MYPN: variants seen among roughly 807,000 people sequenced by gnomAD.
MYPN encodes myopalladin, also known as sarcomeric protein myopalladin, 145 kDa (MYOP).
A neutral mutation model predicts 129.4 loss-of-function variants in MYPN; 63 were observed. The ratio of observed to expected loss-of-function variants is 0.49; its 90% CI spans 0.40 to 0.60. MYPN has a LOEUF of 0.60. Among genes scored for constraint, MYPN ranks in the 20% least tolerant of loss-of-function variants. The pLI is 0.00. For missense variants in MYPN, 1,596 were observed against 1,635.4 expected (o/e 0.98, Z 0.42); for synonymous variants, 629 against 600.9 (o/e 1.05, Z -0.68).
At chr10:68,171,902 C>A (rs2043150503) in intron 10 of MYPN, among the ~76,000 whole-genome samples, 1 of 152,240 alleles carries the variant, frequency 6.6e-6, no homozygotes, top group Non-Finnish European at 1.5e-5. Context: ...CCAGCACACA[C>A]TGCCAGAAAT....
Position 68,176,617 on chromosome 10 carries a change from T to A in MYPN, c.2703+1156T>A, listed in dbSNP as rs149961658. Among the ~76,000 whole-genome samples, 112 of 152,346 alleles carry A rather than the reference T, an allele frequency of 7.4e-4. No homozygotes were observed. The East Asian group carries it at 0.018, about 25-fold the overall frequency. On this transcript the variant is annotated intron_variant, in intron 12 of 19. Coordinates refer to ENST00000358913, the MANE Select transcript of MYPN (RefSeq NM_032578.4). ...GTGGATTCTTTTGAAAATGTGCTTC[T>A]TAAAATCTTTTAAAAATTCACTTAA...
chr10:68,195,829 G>T (rs1226809768), intron 15 of MYPN, among the ~76,000 whole-genome samples: 1 of 152,002 alleles, frequency 6.6e-6, no homozygotes, highest in African/African-American at 2.4e-5. Flanking sequence ...TAGAGACAGG[G>T]TCTCACTTTG....
chr10:68,174,965 G>T lies in MYPN; in HGVS notation c.2564+309G>T, dbSNP rs548670308. On this transcript the variant is annotated intron_variant, in intron 11 of 19. Coordinates refer to ENST00000358913, the MANE Select transcript of MYPN (RefSeq NM_032578.4). ...GCCTGGGCAACATGGTGAAACCCCC[G>T]TCTCTAGGAGAAGCACAAAAAATTA... Among the ~76,000 whole-genome samples the T allele has an allele frequency of 8.0e-4, 121 of 152,052 alleles. 1 individual carries two copies. Among genetic ancestry groups the T allele is most frequent in the African/African-American group, 2.6e-3 (106 of 41,474 alleles).
chr10:68,145,452 A>T, intron 3 of MYPN, 23 bp from the exon 4 acceptor site: 2 of 1,601,554 alleles, frequency 1.2e-6, no homozygotes, highest in Non-Finnish European at 1.7e-6. Flanking sequence ...TAACAATCTT[A>T]TGTCTTGTTT....
Position 68,121,633 on chromosome 10 carries a change from C to T in MYPN, c.195C>T (p.Ala65=). The change falls in exon 2 of 20, where the codon GCC becomes GCT. Residue 65 remains alanine (A), a synonymous_variant. Coordinates refer to ENST00000358913, the MANE Select transcript of MYPN (RefSeq NM_032578.4). ...AAGATGACCTTCCAGATCTTTCAGC[C>T]TTTCTGAGCCAAGAAGAATTAGACG... ...GGQDDLPDLS[A]FLSQEELDES... The T allele has an allele frequency of 6.2e-7, 1 of 1,614,192 alleles. No homozygotes were observed. The highest frequency in any genetic ancestry group is 8.5e-7 in the Non-Finnish European group (1 of 1,180,040).
At chr10:68,139,549 T>A (rs552926776) in intron 2 of MYPN, among the ~76,000 whole-genome samples, 48 of 152,334 alleles carry the variant, frequency 3.2e-4, no homozygotes, top group African/African-American at 1.2e-3. Flanking sequence ...CCATATGTCT[T>A]GTTTAATCGG....
At position 68,202,015 on chromosome 10, in the gene MYPN, A is replaced by G. The variant is rs769642393; in HGVS notation, c.3659+21A>G. ...ATCAGGTACAGCAGCCACCACATCC[A>G]GAGGGACTCCCACTCTCAGTGGGGC... On this transcript the variant is annotated intron_variant, in intron 18 of 19. Coordinates refer to ENST00000358913, the MANE Select transcript of MYPN (RefSeq NM_032578.4). The G allele has an allele frequency of 3.7e-6, 6 of 1,613,670 alleles. No homozygotes were observed. In the African/African-American group the frequency reaches 5.3e-5, roughly 14 times the overall value.
chr10:68,125,532 C>T (rs1341701530), intron 2 of MYPN, among the ~76,000 whole-genome samples: 1 of 152,172 alleles, frequency 6.6e-6, no homozygotes, highest in African/African-American at 2.4e-5. Context: ...TTAGTTTTTA[C>T]TGTGTGTTCG....
At chr10:68,210,231 T>C (rs1376729607) in intron 19 of MYPN, 55 bp from the exon 20 acceptor site, 4 of 1,594,694 alleles carry the variant, frequency 2.5e-6, no homozygotes, top group African/African-American at 1.3e-5. Context: ...CTCTGCAGCG[T>C]ACATGCTGGA....
upstream of MYPN, among the ~76,000 whole-genome samples, chr10:68,103,406 C>T (rs1314296866): frequency 6.6e-6 from 1 of 152,166 alleles, no homozygotes; most frequent in Non-Finnish European, 1.5e-5. Context: ...ATTGAGTCTT[C>T]TTTGTGAAAA....
intron 8 of MYPN, 46 bp downstream of exon 8, chr10:68,161,798 A>G (rs767252267): frequency 7.1e-6 from 10 of 1,408,038 alleles, no homozygotes; most frequent in East Asian, 2.3e-5. Flanking sequence ...GAGTGATTTT[A>G]TATATACAAG....
chr10:68,106,099 G>A (rs998209124), upstream of MYPN: 4 of 453,100 alleles, frequency 8.8e-6, no homozygotes, highest in Non-Finnish European at 1.8e-5. Flanking sequence ...TGGCACTTTT[G>A]TGTCTGACAC....
chr10:68,201,353 T>C (rs1252478877), intron 17 of MYPN, among the ~76,000 whole-genome samples: 1 of 152,168 alleles, frequency 6.6e-6, no homozygotes, highest in Non-Finnish European at 1.5e-5. Flanking sequence ...TGATCCTCAC[T>C]AAAAGACATG....
chr10:68,140,105 TC>T (rs1480760699), intron 2 of MYPN, among the ~76,000 whole-genome samples: 2 of 152,190 alleles, frequency 1.3e-5, no homozygotes, highest in South Asian at 4.1e-4. Flanking sequence ...GAAGGACCTA[TC>T]TTTGTAAAGG....
intron 17 of MYPN, among the ~76,000 whole-genome samples, chr10:68,201,523 T>G (rs986371872): frequency 3.3e-5 from 5 of 152,246 alleles, no homozygotes; most frequent in Non-Finnish European, 7.4e-5. Flanking sequence ...CCCCAGCACT[T>G]TGGGAGGCCA....
intron 4 of MYPN, among the ~76,000 whole-genome samples, chr10:68,148,087 A>G (rs1353471588): frequency 6.6e-6 from 1 of 152,210 alleles, no homozygotes; most frequent in Non-Finnish European, 1.5e-5. Context: ...CTTGGATCTC[A>G]GTTAACTGTT....
rs758608559 is a variant in MYPN, at chr10:68,122,229, C to T, written c.791C>T (p.Pro264Leu). The T allele has an allele frequency of 6.2e-7, 1 of 1,612,108 alleles. No homozygotes were observed. ...SSPSSLYYEEPLGQPPRFTQK... is the reference protein window; with the variant it reads ...SSPSSLYYEELLGQPPRFTQK... ...CCTTCATCTCTGTACTATGAAGAACCTCTGGGGCAACCTCCCCGGTTCACT... is the reference window on the plus strand; with the variant it reads ...CCTTCATCTCTGTACTATGAAGAACTTCTGGGGCAACCTCCCCGGTTCACT... Residue 264 changes from proline (P) to leucine (L), a missense_variant, in exon 2 of 20, where the codon CCT (proline) becomes CTT (leucine). Transcript: ENST00000358913.
At chr10:68,182,712 T>C (rs1320165242) in intron 12 of MYPN, among the ~76,000 whole-genome samples, 1 of 151,960 alleles carries the variant, frequency 6.6e-6, no homozygotes, top group Non-Finnish European at 1.5e-5. Flanking sequence ...TTCACCCCAT[T>C]GGACTGGCTG....
intron 9 of MYPN, 21 bp from the exon 10 acceptor site, chr10:68,166,273 G>A: frequency 6.2e-7 from 1 of 1,613,898 alleles, no homozygotes; most frequent in African/African-American, 1.3e-5. Context: ...GACAGCTCAG[G>A]TCCTGTGATT....
Sources: allele counts gnomAD v4.1 joint callset (sites outside exome capture counted in the v4.1 genomes callset), GRCh38; gene constraint gnomAD v4.1.1; transcripts MANE v1.5; gene names NCBI Gene and HGNC (gene_info 2026-07-23, HGNC 2026-07-21).